The following CALN1 variants were observed in gnomAD, a reference collection of about 807,000 sequenced individuals.
CALN1 encodes the protein calneuron 1.
A neutral mutation model predicts 30.6 loss-of-function variants in CALN1; 17 were observed. The ratio of observed to expected loss-of-function variants is 0.56; its 90% CI spans 0.38 to 0.83. CALN1 has a LOEUF of 0.83. Ranked by LOEUF, CALN1 falls within the 40% of genes least tolerant of loss-of-function variation. CALN1 has a pLI of 0.00. For synonymous variants in CALN1, 156 were observed against 131.4 expected (o/e 1.19, Z -1.28); for missense variants, 291 against 354.9 (o/e 0.82, Z 1.45).
At chr7:71,804,419 G>T (rs1308890860) in intron 6 of CALN1, among the ~76,000 whole-genome samples, 1 of 152,126 alleles carries the variant, frequency 6.6e-6, no homozygotes, top group Non-Finnish European at 1.5e-5. Context: ...GAAGCAGGAG[G>T]ATTGTGTGAG....
rs754103325 is a variant in CALN1, at chr7:72,023,756, C to A, written c.402G>T (p.Val134=). Residue 134 remains valine (V), a synonymous_variant, in exon 5 of 7, where the codon GTG becomes GTT. Transcript: ENST00000395275. ...QRLDMDGDGQ[V]DFDEFMTILG... is the part of the protein sequence containing the mutation. Reference sequence around the variant, plus strand: ...GAATGGTCATGAATTCATCAAAATCCACCTGGCCATCCCCTGCAAGGAGAA... The same window carrying A: ...GAATGGTCATGAATTCATCAAAATCAACCTGGCCATCCCCTGCAAGGAGAA... 1.9e-5 allele frequency: 31 copies of A among 1,613,516 alleles called. No homozygotes were observed. The highest frequency in any genetic ancestry group is 2.5e-5 in the Non-Finnish European group (30 of 1,179,780).
chr7:71,963,213 A>G (rs1486696218), intron 5 of CALN1, among the ~76,000 whole-genome samples: 2 of 152,016 alleles, frequency 1.3e-5, no homozygotes, highest in African/African-American at 2.4e-5. Flanking sequence ...CCCAGGCTGG[A>G]GTGCGGCGGC....
At chr7:71,978,210 C>T (rs182759897) in intron 5 of CALN1, among the ~76,000 whole-genome samples, 73 of 148,384 alleles carry the variant, frequency 4.9e-4, no homozygotes, top group Middle Eastern at 3.6e-3. Flanking sequence ...CAGGCAATCA[C>T]GATGCTGAAT....
chr7:71,962,992 C>T (rs1461676020), intron 5 of CALN1, among the ~76,000 whole-genome samples: 4 of 152,082 alleles, frequency 2.6e-5, no homozygotes, highest in Non-Finnish European at 5.9e-5. Context: ...GTTTGGCCTT[C>T]AAATACTACA....
At chr7:72,014,900 C>T (rs937353671) in intron 5 of CALN1, among the ~76,000 whole-genome samples, 1 of 151,726 alleles carries the variant, frequency 6.6e-6, no homozygotes. Flanking sequence ...TGGGCTGAAG[C>T]GATCCTCCGC....
intron 3 of CALN1, among the ~76,000 whole-genome samples, chr7:72,140,276 AAGAGAGAGAGAGAGAGAG>A (rs71069028): frequency 8.3e-6 from 1 of 119,862 alleles, no homozygotes; most frequent in Non-Finnish European, 1.7e-5. Context: ...GTCTCAAAAT[AAGAGAGAGAGAGAGAGAG>A]AGAGAGAGAG....
intron 5 of CALN1, among the ~76,000 whole-genome samples, chr7:71,860,152 G>A (rs767686188): frequency 9.2e-5 from 14 of 151,818 alleles, no homozygotes; most frequent in South Asian, 2.1e-4. Context: ...TCCTCCTTTC[G>A]GGAAAGCCCT....
chr7:72,028,034 G>C (rs1181749463), intron 4 of CALN1, among the ~76,000 whole-genome samples: 1 of 142,120 alleles, frequency 7.0e-6, no homozygotes, highest in African/African-American at 2.6e-5. Context: ...ACTCCAGCCT[G>C]GGCGACAGAG....
intron 4 of CALN1, among the ~76,000 whole-genome samples, chr7:72,041,833 G>A (rs1027355044): frequency 6.6e-6 from 1 of 152,156 alleles, no homozygotes; most frequent in Non-Finnish European, 1.5e-5. Context: ...CCGATAAAGG[G>A]GAGTTCCCCT....
At chr7:72,367,079 A>G (rs1803920869) in intron 2 of CALN1, among the ~76,000 whole-genome samples, 1 of 151,770 alleles carries the variant, frequency 6.6e-6, no homozygotes, top group African/African-American at 2.4e-5. Flanking sequence ...GATAAGGTAG[A>G]AAGCATGCTT....
chr7:72,480,370 ATCT>A, the CALN1 span, among the ~76,000 whole-genome samples: 1 of 152,170 alleles, frequency 6.6e-6, no homozygotes, highest in Non-Finnish European at 1.5e-5. Context: ...TTAATCTTTC[ATCT>A]TCTTTAAATT....
chr7:72,350,796 T>C (rs1309420493), intron 2 of CALN1, among the ~76,000 whole-genome samples: 1 of 148,686 alleles, frequency 6.7e-6, no homozygotes, highest in Non-Finnish European at 1.5e-5. Flanking sequence ...TAAAAAAAAA[T>C]AAATAAAAAA....
the CALN1 span, among the ~76,000 whole-genome samples, chr7:72,501,370 T>TAAAAAAAAAAAAAAAAAA: frequency 1.2e-4 from 5 of 42,798 alleles, no homozygotes; most frequent in Non-Finnish European, 1.5e-4. Flanking sequence ...ACGTCTCTAT[T>TAAAAAAAAAAAAAAAAAA]AAAAAAAAAA....
intron 4 of CALN1, among the ~76,000 whole-genome samples, chr7:72,043,162 T>C (rs1286978071): frequency 6.6e-6 from 1 of 152,182 alleles, no homozygotes; most frequent in African/African-American, 2.4e-5. Flanking sequence ...CTGCTGTTAT[T>C]CTGAAAGAAC....
intron 3 of CALN1, among the ~76,000 whole-genome samples, chr7:72,156,092 G>T (rs1787659703): frequency 6.6e-6 from 1 of 152,084 alleles, no homozygotes; most frequent in African/African-American, 2.4e-5. Flanking sequence ...GAACATCTTT[G>T]CAGGGGCCAT....
At chr7:71,915,658 G>A (rs1009886494) in intron 5 of CALN1, among the ~76,000 whole-genome samples, 8 of 152,094 alleles carry the variant, frequency 5.3e-5, no homozygotes, top group African/African-American at 1.7e-4. Flanking sequence ...CACTTGAACA[G>A]GGGAGGCGGA....
chr7:71,956,382 G>A (rs1436105354), intron 5 of CALN1, among the ~76,000 whole-genome samples: 3 of 152,042 alleles, frequency 2.0e-5, no homozygotes, highest in Non-Finnish European at 4.4e-5. Context: ...GGGAGGACTT[G>A]GGAGCTACAG....
intron 4 of CALN1, among the ~76,000 whole-genome samples, chr7:72,044,063 C>G (rs572222146): frequency 2.6e-5 from 4 of 152,116 alleles, no homozygotes; most frequent in Admixed American, 2.0e-4. Context: ...TACCTCCCAC[C>G]GGGTCCCTCC....
intron 5 of CALN1, among the ~76,000 whole-genome samples, chr7:71,828,484 GA>G (rs766417743): frequency 2.0e-5 from 3 of 152,008 alleles, no homozygotes; most frequent in Non-Finnish European, 4.4e-5. Context: ...GAGCTAAAGG[GA>G]AAATTCAAGC....
Sources: gnomAD v4.1 joint callset for allele counts (sites outside exome capture counted in the v4.1 genomes callset) on GRCh38, gnomAD v4.1.1 for gene constraint, MANE v1.5 for transcripts, NCBI Gene and HGNC (gene_info 2026-07-23, HGNC 2026-07-21) for gene names.